Variants in NID1 observed in about 807,000 individuals in gnomAD.
NID1 encodes the protein nidogen-1.
NID1 carries 76 observed loss-of-function variants against 130.6 expected under a neutral mutation model. The observed-to-expected ratio is 0.58, with a 90% CI of 0.48 to 0.70. NID1 has a LOEUF of 0.70. Ranked by LOEUF, NID1 falls within the 30% of genes least tolerant of loss-of-function variation. The pLI, the probability that NID1 is intolerant of heterozygous loss-of-function variation, is 0.00. For missense variants in NID1, 1,517 were observed against 1,664.8 expected (o/e 0.91, Z 1.54); for synonymous variants, 665 against 675.1 (o/e 0.98, Z 0.23).
rs1273034632 is a variant in NID1, at chr1:236,042,250, A to T, written c.795T>A (p.Ile265=). 3.1e-6 allele frequency: 5 copies of T among 1,608,578 alleles called. No homozygotes were observed. In the Admixed American group the frequency reaches 8.3e-5, roughly 27 times the overall value. Residue 265 remains isoleucine (I), a synonymous_variant, in exon 4 of 20, where the codon ATT becomes ATA. Transcript: ENST00000264187. ...SGQQGVWVFE[I]GSPATTNGVV... is the part of the protein sequence containing the mutation. ...CGCCATTGGTGGTGGCTGGACTCCC[A>T]ATCTCAAACACCCAGACACCCTGCT...
intron 9 of NID1, among the ~76,000 whole-genome samples, chr1:236,017,538 A>G (rs546615128): frequency 1.3e-5 from 2 of 151,564 alleles, no homozygotes; most frequent in African/African-American, 4.8e-5. Context: ...CGTGTGTGCC[A>G]CCACGCCTGG....
intron 16 of NID1, among the ~76,000 whole-genome samples, chr1:235,980,940 G>A (rs927144931): frequency 6.6e-5 from 10 of 152,152 alleles, no homozygotes; most frequent in African/African-American, 2.4e-4. Flanking sequence ...ACAAAGTAAA[G>A]GGCTATAACT....
Position 236,045,540 on chromosome 1 carries a change from T to C in NID1, c.669A>G (p.Gln223=). 1 of 1,614,196 alleles carries C rather than the reference T, an allele frequency of 6.2e-7. No individual in the cohort carries two copies. The highest frequency in any genetic ancestry group is 8.5e-7 in the Non-Finnish European group (1 of 1,180,040). Residue 223 remains glutamine (Q), a synonymous_variant, in exon 3 of 20, where the codon CAA becomes CAG. Transcript: ENST00000264187. ...TCTTCCATAAGAATCCCACTGAACC[T>C]TGACTGAATGCAACCACGGCAGGAA... ...NQVPAVVAFS[Q]GSVGFLWKSN...
chr1:235,978,897 T>G, intron 19 of NID1, 98 bp downstream of exon 19: 1 of 779,550 alleles, frequency 1.3e-6, no homozygotes. Flanking sequence ...TACGGCATAA[T>G]CAAGGCTACT....
In NID1 at chr1:235,990,997, G is replaced by A. The variant is rs1346253221; in HGVS notation, c.2817C>T (p.Pro939=). Residue 939 remains proline, a synonymous_variant, in exon 14 of 20, where the codon CCC becomes CCT. Coordinates refer to ENST00000264187, the MANE Select transcript of NID1 (RefSeq NM_002508.3). ...QGPAVPTAVI[P]LPPGTHLLFA... Reference sequence around the variant, plus strand: ...AGAGTAAATGGGTCCCAGGAGGCAAGGGGATCACGGCGGTAGGCACCGCAG... The same window carrying A: ...AGAGTAAATGGGTCCCAGGAGGCAAAGGGATCACGGCGGTAGGCACCGCAG... 1 of 1,613,812 alleles carries A rather than the reference G, an allele frequency of 6.2e-7. No homozygotes were observed. Among genetic ancestry groups the A allele is most frequent in the South Asian group, 1.1e-5 (1 of 91,048 alleles).
intron 15 of NID1, among the ~76,000 whole-genome samples, chr1:235,983,996 AAAG>A (rs1657506477): frequency 6.6e-6 from 1 of 152,120 alleles, no homozygotes; most frequent in African/African-American, 2.4e-5. Context: ...AAAAAAAAAA[AAAG>A]AAAATTATTC....
chr1:236,018,705 C>T (rs1331610434), intron 9 of NID1, among the ~76,000 whole-genome samples: 4 of 152,212 alleles, frequency 2.6e-5, no homozygotes, highest in Admixed American at 2.6e-4. Flanking sequence ...TCCCAAAGTG[C>T]TGGGATTACA....
At chr1:236,055,186 C>A (rs2102850297) in intron 1 of NID1, among the ~76,000 whole-genome samples, 1 of 152,030 alleles carries the variant, frequency 6.6e-6, no homozygotes, top group South Asian at 2.1e-4. Context: ...TGTCTGTAGT[C>A]CCAGCTACTC....
At chr1:235,986,981 G>A (rs573242024) in intron 14 of NID1, among the ~76,000 whole-genome samples, 7 of 152,258 alleles carry the variant, frequency 4.6e-5, no homozygotes, top group African/African-American at 7.2e-5. Flanking sequence ...CAGCAAACAC[G>A]CCCAGAGTCC....
At chr1:236,064,737 C>T (rs1341321149) in intron 1 of NID1, 118 bp downstream of exon 1, 1 of 873,758 alleles carries the variant, frequency 1.1e-6, no homozygotes, top group South Asian at 1.8e-5. Context: ...TGCCCGGTGC[C>T]CCGGCGGCCA....
At chr1:236,063,487 T>A (rs2385060) in intron 1 of NID1, among the ~76,000 whole-genome samples, 16,460 of 137,784 alleles carry the variant, frequency 0.12, 1,300 homozygotes, top group Non-Finnish European at 0.17. Flanking sequence ...AAAAAATAAA[T>A]AAATAAATAA....
rs757543518 is a variant in NID1, at chr1:236,026,094, G to A, written c.1786C>T (p.Arg596Ter). 80 of 1,613,356 alleles carry A rather than the reference G, an allele frequency of 5.0e-5. No individual in the cohort carries two copies. Among genetic ancestry groups the A allele is most frequent in the Non-Finnish European group, 6.7e-5 (79 of 1,179,832 alleles). Residue 596 changes from arginine (R) to a stop codon, truncating the protein, a stop_gained, in exon 8 of 20, where the codon CGA becomes TGA. Transcript: ENST00000264187. LOFTEE classifies it high-confidence loss of function. Reference protein sequence around the residue: ...TREYTVTEPERDGASPSRIYT... With the variant: ...TREYTVTEPE ...ATGCGTGAAGGAGATGCCCCATCTCGCTCGGGCTCAGTCACCGTGTACTCC... is the reference window on the plus strand; with the variant it reads ...ATGCGTGAAGGAGATGCCCCATCTCACTCGGGCTCAGTCACCGTGTACTCC...
chr1:236,049,889 T>A (rs1323850957), intron 1 of NID1, among the ~76,000 whole-genome samples: 1 of 151,010 alleles, frequency 6.6e-6, no homozygotes, highest in Non-Finnish European at 1.5e-5. Context: ...AATTCAAAAA[T>A]TAGCCGGGCG....
chr1:236,048,638 T>C (rs1446318174), intron 2 of NID1, 52 bp downstream of exon 2: 1 of 1,576,520 alleles, frequency 6.3e-7, no homozygotes. Context: ...GACCAAAGTG[T>C]ATGAAGCCAA....
chr1:236,042,556 C>T lies in NID1; in HGVS notation c.753-264G>A, dbSNP rs1331195621. ...CCATTCCAGAAGTGTGCTCCAGGGACACTATCAGGACTTAAAATTCAACTT... is the reference window on the plus strand; with the variant it reads ...CCATTCCAGAAGTGTGCTCCAGGGATACTATCAGGACTTAAAATTCAACTT... On this transcript the variant is annotated intron_variant, in intron 3 of 19. Coordinates refer to ENST00000264187, the MANE Select transcript of NID1 (RefSeq NM_002508.3). 2.0e-5 allele frequency among the ~76,000 whole-genome samples: 3 copies of T among 152,194 alleles called. No homozygotes were observed. The East Asian group carries it at 5.8e-4, about 29-fold the overall frequency.
rs556672426 is a variant in NID1 at position 236,000,108 on chromosome 1, G to A, written c.2528-6236C>T. Among the ~76,000 whole-genome samples the A allele has an allele frequency of 1.4e-4, 21 of 152,230 alleles. 1 individual carries two copies. The East Asian group carries it at 4.1e-3, about 29-fold the overall frequency. ...GGGCGCCTGTAATCCTAGCTATTTGGGAGGCTGAGGCACGAGAATCTCTTG... is the reference window on the plus strand; with the variant it reads ...GGGCGCCTGTAATCCTAGCTATTTGAGAGGCTGAGGCACGAGAATCTCTTG... On this transcript the variant is annotated intron_variant, in intron 12 of 19. Coordinates refer to ENST00000264187, the MANE Select transcript of NID1 (RefSeq NM_002508.3).
chr1:236,005,255 A>C (rs1435394480), intron 12 of NID1, among the ~76,000 whole-genome samples: 2 of 152,164 alleles, frequency 1.3e-5, no homozygotes, highest in East Asian at 3.8e-4. Context: ...AGAGCCAGGA[A>C]ATCTCAAAAG....
intron 2 of NID1, 144 bp downstream of exon 2, chr1:236,048,546 T>A: frequency 1.2e-6 from 1 of 854,386 alleles, no homozygotes; most frequent in Non-Finnish European, 1.7e-6. Context: ...GGACCTGCAA[T>A]AACCAGCCTA....
In NID1 at chr1:235,993,797, G is replaced by C; in HGVS notation, c.2603C>G (p.Pro868Arg). The change falls in exon 13 of 20, where the codon CCC (proline) becomes CGC (arginine). Residue 868 changes from proline (P) to arginine (R), a missense_variant. Pro to Arg is a moderately radical substitution (Grantham distance 103). This residue lies in a region of NID1 where 1,329 missense variants were observed against 1,429.2 expected (regional missense o/e 0.93). Coordinates refer to ENST00000264187, the MANE Select transcript of NID1 (RefSeq NM_002508.3). ...GAAGATDPQR[P>R]IPPGLFVPEC... ...AGGAACGAACAGCCCCGGAGGAATG[G>C]GTCGCTGTGGGTCTGTCGCCCCCGC... 1 of 1,614,170 alleles carries C rather than the reference G, an allele frequency of 6.2e-7. No individual in the cohort carries two copies. Among genetic ancestry groups the C allele is most frequent in the Non-Finnish European group, 8.5e-7 (1 of 1,180,022 alleles).
Sources: gnomAD v4.1 joint callset for allele counts (sites outside exome capture counted in the v4.1 genomes callset) on GRCh38, gnomAD v4.1.1 for gene constraint, gnomAD v4.1.1 regional missense constraint, MANE v1.5 for transcripts, NCBI Gene and HGNC (gene_info 2026-07-23, HGNC 2026-07-21) for gene names.